REX1BD: variants seen among roughly 807,000 people sequenced by gnomAD.
The protein encoded by REX1BD is required for excision 1-B domain containing.
Under a neutral mutation model 24.4 loss-of-function variants are expected in REX1BD, and 22 were observed. The observed-to-expected ratio is 0.90, with a 90% CI of 0.64 to 1.29. The LOEUF (loss-of-function observed/expected upper bound fraction) is 1.29, where lower values mean the gene tolerates loss of function less well. Among genes scored for constraint, REX1BD ranks in the 50% most tolerant of loss-of-function variants. REX1BD has a pLI of 0.00. For missense variants in REX1BD, 293 were observed against 285.3 expected (o/e 1.03, Z -0.19); for synonymous variants, 146 against 125.9 (o/e 1.16, Z -1.07).
rs764579564 is a variant in REX1BD, at chr19:18,590,922, G to T, written c.522G>T (p.Gln174His). Reference protein sequence around the residue: ...AGQEDAVRMQQLKMKVIKTME... With the variant: ...AGQEDAVRMQHLKMKVIKTME... ...AGGAGGACGCTGTACGGATGCAGCA[G>T]CTGAAAATGAAGTGAGCGCTGCTGC... The change falls in exon 4 of 5, where the codon CAG becomes CAT. Residue 174 changes from glutamine (Q) to histidine (H), a missense_variant. Physicochemically the swap from Gln to His is conservative, Grantham distance 24 (BLOSUM62 0). Coordinates refer to ENST00000358607, the MANE Select transcript of REX1BD (RefSeq NM_001100418.2). 1 of 1,587,466 alleles carries T rather than the reference G, an allele frequency of 6.3e-7. No individual in the cohort carries two copies. The highest frequency in any genetic ancestry group is 2.3e-5 in the East Asian group (1 of 43,392).
intron 3 of REX1BD, 23 bp from the exon 4 acceptor site, chr19:18,590,831 C>T (rs758608906): frequency 1.9e-6 from 3 of 1,592,328 alleles, no homozygotes; most frequent in Non-Finnish European, 2.6e-6. Context: ...AGACATCCTT[C>T]GTGTTGCTCA....
In REX1BD at chr19:18,592,203, C is replaced by T. The variant is rs199575264; in HGVS notation, c.*23C>T. The T allele has an allele frequency of 1.8e-5, 29 of 1,613,794 alleles. No individual in the cohort carries two copies. The highest frequency in any genetic ancestry group is 1.7e-4 in the Middle Eastern group (1 of 6,018). On this transcript the variant is annotated 3_prime_UTR_variant, in exon 5 of 5. Transcript: ENST00000358607. ...TGATGGCGGCTCCCCAGGGATGCGC[C>T]GAGGGAGATGGGAAACGGGGCGGAT...
intron 2 of REX1BD, 113 bp from the exon 3 acceptor site, chr19:18,589,300 C>G (rs1422716956): frequency 1.3e-6 from 2 of 1,541,878 alleles, no homozygotes; most frequent in Admixed American, 3.9e-5. Flanking sequence ...TCTCTCCTCC[C>G]CAAGAGCAGG....
At chr19:18,589,809 C>G in intron 3 of REX1BD, 126 bp downstream of exon 3, 2 of 1,302,664 alleles carry the variant, frequency 1.5e-6, no homozygotes, top group South Asian at 3.3e-5. Flanking sequence ...TGTCCCACCC[C>G]AATCCTCTAT....
Position 18,589,645 on chromosome 19 carries a change from C to A in REX1BD, c.415C>A (p.Arg139Ser). 1 of 1,510,350 alleles carries A rather than the reference C, an allele frequency of 6.6e-7. No individual in the cohort carries two copies. Among genetic ancestry groups the A allele is most frequent in the Non-Finnish European group, 8.8e-7 (1 of 1,136,834 alleles). 93.6% of individuals were successfully genotyped at this position (1,510,350 alleles called of 1,614,324 possible). A position where few individuals can be genotyped will look rare whatever the true frequency, so the allele number is the denominator to read the frequency against. ...GCAGCCGCTGCTCGCCGGCCACGTG[C>A]GCAGCCTGCAGGAGCTGGAGCAGAC... is the stretch of plus-strand genomic sequence containing the variant. ...RRQPLLAGHVRSLQELEQTRL... is the reference protein window; with the variant it reads ...RRQPLLAGHVSSLQELEQTRL... Residue 139 changes from arginine (R) to serine (S), a missense_variant, in exon 3 of 5, where the codon CGC becomes AGC. Arg to Ser is a moderately radical substitution (Grantham distance 110). Coordinates refer to ENST00000358607, the MANE Select transcript of REX1BD (RefSeq NM_001100418.2).
intron 4 of REX1BD, chr19:18,591,753 C>T: frequency 3.9e-6 from 1 of 258,664 alleles, no homozygotes. Context: ...CGCCACCATG[C>T]CTGGCTAATT....
chr19:18,589,441 GC>G lies in REX1BD; in HGVS notation c.213del (p.Trp72GlyfsTer36), dbSNP rs1306853403. On this transcript the variant is annotated frameshift_variant, in exon 3 of 5. Coordinates refer to ENST00000358607, the MANE Select transcript of REX1BD (RefSeq NM_001100418.2). LOFTEE classifies it high-confidence loss of function. ...EWLAPVQGLR[A>X]WGRGLRVPTC... ...GTTGGCGCCGGTGCAGGGCCTGAGA[GC>G]CTGGGGGCGCGGCCTCAGGGTCCCC... 3 of 1,558,888 alleles carry G rather than the reference GC, an allele frequency of 1.9e-6. No individual in the cohort carries two copies. Among genetic ancestry groups the G allele is most frequent in the South Asian group, 1.2e-5 (1 of 84,834 alleles).
intron 4 of REX1BD, 86 bp downstream of exon 4, chr19:18,591,019 C>T: frequency 8.0e-7 from 1 of 1,249,448 alleles, no homozygotes; most frequent in East Asian, 2.7e-5. Flanking sequence ...GAGGAACCCT[C>T]TGCCAGTGCA....
rs1364835847 is a variant in REX1BD, at chr19:18,589,059, G to A, written c.164G>A (p.Gly55Asp). 6.6e-6 allele frequency: 10 copies of A among 1,519,002 alleles called. No homozygotes were observed. The highest frequency in any genetic ancestry group is 2.8e-5 in the African/African-American group (2 of 72,292). The allele number at this position is 1,519,002 out of a possible 1,614,324, so 94.1% of individuals were successfully genotyped here. ...IHQLQAERAQGFRRLEEWLAP... is the reference protein window; with the variant it reads ...IHQLQAERAQDFRRLEEWLAP... ...CAGCTGCAGGCTGAGCGCGCGCAGG[G>A]CTTCCGCCGACTGGAGGAGTGAGTG... is the stretch of plus-strand genomic sequence containing the variant. The change falls in exon 2 of 5, where the codon GGC becomes GAC. Residue 55 changes from glycine to aspartate, a missense_variant. By Grantham distance (94) the Gly-to-Asp change is moderately conservative (BLOSUM62 -1). Transcript: ENST00000358607.
chr19:18,591,290 G>A (rs2145321540), intron 4 of REX1BD: 1 of 182,360 alleles, frequency 5.5e-6, no homozygotes, highest in East Asian at 1.4e-4. Flanking sequence ...CCTCCTAATG[G>A]TACACACCCC....
In REX1BD at chr19:18,589,067, C is replaced by A; in HGVS notation, c.172C>A (p.Arg58=). Residue 58 remains arginine (R), a synonymous_variant, in exon 2 of 5, where the codon CGA becomes AGA. Coordinates refer to ENST00000358607, the MANE Select transcript of REX1BD (RefSeq NM_001100418.2). The stretch of plus-strand genomic sequence containing the variant: ...GGCTGAGCGCGCGCAGGGCTTCCGC[C>A]GACTGGAGGAGTGAGTGGGGGCGCG... ...LQAERAQGFR[R]LEEWLAPVQG... is the part of the protein sequence containing the mutation. 1 of 1,515,848 alleles carries A rather than the reference C, an allele frequency of 6.6e-7. No homozygotes were observed. Among genetic ancestry groups the A allele is most frequent in the Non-Finnish European group, 8.8e-7 (1 of 1,138,472 alleles). The allele number at this position is 1,515,848 out of a possible 1,614,324, so 93.9% of individuals were successfully genotyped here. A position where few individuals can be genotyped will look rare whatever the true frequency, so the allele number is the denominator to read the frequency against.
Position 18,590,834 on chromosome 19 carries a change from G to A in REX1BD, c.454-20G>A. The A allele has an allele frequency of 6.3e-7, 1 of 1,596,058 alleles. No individual in the cohort carries two copies. The highest frequency in any genetic ancestry group is 1.1e-5 in the South Asian group (1 of 88,152). Reference sequence around the variant, plus strand: ...TTCTGCTCGTGGAGACATCCTTCGTGTTGCTCATTCCCCCACCAGGTGGCC... The same window carrying A: ...TTCTGCTCGTGGAGACATCCTTCGTATTGCTCATTCCCCCACCAGGTGGCC... On this transcript the variant is annotated intron_variant, in intron 3 of 4. Coordinates refer to ENST00000358607, the MANE Select transcript of REX1BD (RefSeq NM_001100418.2).
rs757108268 is a variant in REX1BD, at chr19:18,592,204, G to A, written c.*24G>A. ...GATGGCGGCTCCCCAGGGATGCGCCGAGGGAGATGGGAAACGGGGCGGATG... is the reference window on the plus strand; with the variant it reads ...GATGGCGGCTCCCCAGGGATGCGCCAAGGGAGATGGGAAACGGGGCGGATG... On this transcript the variant is annotated 3_prime_UTR_variant, in exon 5 of 5. Coordinates refer to ENST00000358607, the MANE Select transcript of REX1BD (RefSeq NM_001100418.2). 2.7e-5 allele frequency: 44 copies of A among 1,613,566 alleles called. No homozygotes were observed. The East Asian group carries it at 7.4e-4, about 27-fold the overall frequency.
At chr19:18,591,051 G>T in intron 4 of REX1BD, 118 bp downstream of exon 4, 1 of 934,240 alleles carries the variant, frequency 1.1e-6, no homozygotes, top group Non-Finnish European at 1.5e-6. Flanking sequence ...TCACCTGGTG[G>T]CCCTCAGATG....
chr19:18,588,823 G>C lies in REX1BD; in HGVS notation c.22G>C (p.Glu8Gln). The change falls in exon 1 of 5, where the codon GAG (glutamate) becomes CAG (glutamine). Residue 8 changes from glutamate (E) to glutamine (Q), a missense_variant. Physicochemically the swap from Glu to Gln is conservative, Grantham distance 29. Coordinates refer to ENST00000358607, the MANE Select transcript of REX1BD (RefSeq NM_001100418.2). MITETAA[E>Q]PTVPAVPAAE... ...AGTCATGATCACCGAGACCGCGGCGGAGCCTACGGTCCCTGCAGTGCCTGC... is the reference window on the plus strand; with the variant it reads ...AGTCATGATCACCGAGACCGCGGCGCAGCCTACGGTCCCTGCAGTGCCTGC... 6.5e-7 allele frequency: 1 copy of C among 1,532,876 alleles called. No homozygotes were observed. Among genetic ancestry groups the C allele is most frequent in the Non-Finnish European group, 8.7e-7 (1 of 1,145,804 alleles). 95.0% of individuals were successfully genotyped at this position (1,532,876 alleles called of 1,614,324 possible).
chr19:18,590,724 C>T (rs1046254764), intron 3 of REX1BD, 130 bp from the exon 4 acceptor site: 15 of 776,134 alleles, frequency 1.9e-5, no homozygotes, highest in Admixed American at 1.0e-4. Flanking sequence ...CTACACAAAG[C>T]ACTGCCCCTC....
chr19:18,589,289 C>T (rs776614695), intron 2 of REX1BD, 124 bp from the exon 3 acceptor site: 1 of 1,539,712 alleles, frequency 6.5e-7, no homozygotes, highest in Non-Finnish European at 8.7e-7. Flanking sequence ...TTCGTGGCTT[C>T]TCTCTCCTCC....
At position 18,589,636 on chromosome 19, in the gene REX1BD, G is replaced by A; in HGVS notation, c.406G>A (p.Gly136Ser). Residue 136 changes from glycine (G) to serine (S), a missense_variant, in exon 3 of 5, where the codon GGC (glycine) becomes AGC (serine). Physicochemically the swap from Gly to Ser is moderately conservative, Grantham distance 56 (BLOSUM62 0). Transcript: ENST00000358607. ...GGPRRQPLLAGHVRSLQELEQ... is the reference protein window; with the variant it reads ...GGPRRQPLLASHVRSLQELEQ... ...GCCTCGCAGGCAGCCGCTGCTCGCC[G>A]GCCACGTGCGCAGCCTGCAGGAGCT... 6.6e-7 allele frequency: 1 copy of A among 1,516,162 alleles called. No homozygotes were observed. Among genetic ancestry groups the A allele is most frequent in the East Asian group, 2.5e-5 (1 of 40,608 alleles). 93.9% of individuals were successfully genotyped at this position (1,516,162 alleles called of 1,614,324 possible).
At chr19:18,590,772 G>GT (rs1163506612) in intron 3 of REX1BD, 82 bp from the exon 4 acceptor site, 4 of 1,422,198 alleles carry the variant, frequency 2.8e-6, no homozygotes, top group East Asian at 2.5e-5. Context: ...GGGTGCCTCT[G>GT]TTTTTTCCTG....
Sources: gnomAD v4.1 joint callset for allele counts on GRCh38, gnomAD v4.1.1 for gene constraint, MANE v1.5 for transcripts, NCBI Gene and HGNC (gene_info 2026-07-23, HGNC 2026-07-21) for gene names.